Variants in DSCAM observed in about 807,000 individuals in gnomAD.
DSCAM encodes the protein cell adhesion molecule DSCAM.
DSCAM carries 47 observed loss-of-function variants against 217.7 expected under a neutral mutation model. That is an observed-to-expected ratio of 0.22 (90% CI 0.17 to 0.28). DSCAM has a LOEUF of 0.28. DSCAM is among the 10% of genes least tolerant of loss of function. The probability of loss-of-function intolerance (pLI) is 1.00; values close to 1 mark genes in which losing one functional copy is unlikely to be tolerated. For missense variants in DSCAM, 2,080 were observed against 2,618.3 expected (o/e 0.79, Z 4.49); for synonymous variants, 1,056 against 1,015.3 (o/e 1.04, Z -0.76).
intron 3 of DSCAM, among the ~76,000 whole-genome samples, chr21:40,378,882 C>T (rs1365868752): frequency 1.3e-5 from 2 of 151,970 alleles, no homozygotes; most frequent in Non-Finnish European, 2.9e-5. Flanking sequence ...CGTGAGCCAC[C>T]GCGCCCGGCC....
At chr21:40,363,519 C>T (rs1250757270) in intron 4 of DSCAM, among the ~76,000 whole-genome samples, 10 of 152,068 alleles carry the variant, frequency 6.6e-5, no homozygotes, top group Admixed American at 6.6e-4. Context: ...TCCCAAAGTG[C>T]TGAGATTACA....
chr21:40,840,945 A>G (rs1307315636), intron 1 of DSCAM, among the ~76,000 whole-genome samples: 1 of 152,144 alleles, frequency 6.6e-6, no homozygotes, highest in Non-Finnish European at 1.5e-5. Context: ...ATCTATTTCC[A>G]CTACTCCATA....
chr21:40,645,621 C>A (rs1476715769), intron 3 of DSCAM, among the ~76,000 whole-genome samples: 2 of 152,016 alleles, frequency 1.3e-5, no homozygotes, highest in African/African-American at 2.4e-5. Flanking sequence ...CAGGCATACA[C>A]GGTGCCCCTC....
chr21:40,093,006 A>C (rs933423615), intron 21 of DSCAM, among the ~76,000 whole-genome samples: 10 of 152,182 alleles, frequency 6.6e-5, no homozygotes, highest in Admixed American at 1.3e-4. Flanking sequence ...CAGAGAACAT[A>C]TTAGTAATAA....
intron 3 of DSCAM, among the ~76,000 whole-genome samples, chr21:40,660,302 G>A (rs1006665459): frequency 6.6e-6 from 1 of 152,136 alleles, no homozygotes; most frequent in Non-Finnish European, 1.5e-5. Context: ...AGGAAAGCAG[G>A]AAAGAAGAAA....
Position 40,254,373 on chromosome 21 carries a change from C to T in DSCAM, c.2356+21724G>A, listed in dbSNP as rs114298801. Among the ~76,000 whole-genome samples the T allele has an allele frequency of 5.0e-3, 767 of 152,220 alleles. 5 individuals are homozygous for T. The highest frequency in any genetic ancestry group is 0.017 in the African/African-American group (704 of 41,524). On this transcript the variant is annotated intron_variant, in intron 11 of 32. Coordinates refer to ENST00000400454, the MANE Select transcript of DSCAM (RefSeq NM_001389.5). ...AGGAAATAAGTAAAAGCTCAGAACC[C>T]GGTGGAAGGTGGTGATGGGAGCAAA...
chr21:40,357,622 T>TCTC (rs2074709028), intron 4 of DSCAM, among the ~76,000 whole-genome samples: 1 of 152,124 alleles, frequency 6.6e-6, no homozygotes, highest in African/African-American at 2.4e-5. Flanking sequence ...GGGGTAAGCT[T>TCTC]CTCTATTATT....
intron 3 of DSCAM, among the ~76,000 whole-genome samples, chr21:40,443,490 G>C (rs1450247397): frequency 6.6e-6 from 1 of 152,132 alleles, no homozygotes. Context: ...CTGTGTTCCC[G>C]TCTGTGTTCC....
intron 11 of DSCAM, among the ~76,000 whole-genome samples, chr21:40,214,735 C>CAAAAAAAAAAAAAAAAA (rs1209648217): frequency 2.2e-4 from 15 of 67,786 alleles, no homozygotes; most frequent in Middle Eastern, 7.7e-3. Context: ...GCAACAACAG[C>CAAAAAAAAAAAAAAAAA]AAAAAAAAAA....
chr21:40,605,449 G>C (rs1053369230), intron 3 of DSCAM, among the ~76,000 whole-genome samples: 7 of 152,126 alleles, frequency 4.6e-5, no homozygotes, highest in Admixed American at 2.0e-4. Context: ...GAAAATCAAA[G>C]TCAGCAAACT....
chr21:40,772,947 T>C (rs998502128), intron 1 of DSCAM, among the ~76,000 whole-genome samples: 4 of 152,216 alleles, frequency 2.6e-5, no homozygotes, highest in African/African-American at 7.2e-5. Context: ...GAGGCATTGC[T>C]CACTCCCAGC....
At position 40,652,343 on chromosome 21, in the gene DSCAM, AC is replaced by A. The variant is rs2090024185; in HGVS notation, c.508+40466del. On this transcript the variant is annotated intron_variant, in intron 3 of 32. Transcript: ENST00000400454. ...GGTTGGAAATTTGAAAACAACAACA[AC>A]AACAAAAAAAAAAAAAAACAACTTC... Among the ~76,000 whole-genome samples the A allele has an allele frequency of 9.2e-4, 31 of 33,750 alleles. 1 individual carries two copies. Among genetic ancestry groups the A allele is most frequent in the African/African-American group, 3.4e-3 (19 of 5,566 alleles). The allele number at this position is 33,750 out of a possible 152,430, so 22.1% of individuals were successfully genotyped here. A position where few individuals can be genotyped will look rare whatever the true frequency, so the allele number is the denominator to read the frequency against.
In DSCAM at chr21:40,697,335, T is replaced by C. The variant is rs2090606844; in HGVS notation, c.362-4379A>G. ...TCTTTGCTGTGCAGAGTTTTTCTGC[T>C]TGATGTAATCCTATTTGTCTATTTT... On this transcript the variant is annotated intron_variant, in intron 2 of 32. Coordinates refer to ENST00000400454, the MANE Select transcript of DSCAM (RefSeq NM_001389.5). 2.6e-5 allele frequency among the ~76,000 whole-genome samples: 4 copies of C among 152,238 alleles called. No individual in the cohort carries two copies. In the South Asian group the frequency reaches 8.3e-4, roughly 32 times the overall value.
chr21:40,028,282 A>G lies in DSCAM; in HGVS notation c.5686+14089T>C, dbSNP rs1432290737. ...CTCTTCAAAGCTGTCAGACAGGGAC[A>G]TTTGAGTCTGCAGAGGTTACTGCTG... On this transcript the variant is annotated intron_variant, in intron 32 of 32. Transcript: ENST00000400454. Among the ~76,000 whole-genome samples the G allele has an allele frequency of 1.8e-5, 2 of 110,428 alleles. 1 individual carries two copies. The highest frequency in any genetic ancestry group is 7.1e-5 in the African/African-American group (2 of 28,340). The allele number at this position is 110,428 out of a possible 152,430, so 72.4% of individuals were successfully genotyped here. A position where few individuals can be genotyped will look rare whatever the true frequency, so the allele number is the denominator to read the frequency against.
intron 1 of DSCAM, among the ~76,000 whole-genome samples, chr21:40,839,829 G>GT (rs1170491379): frequency 6.6e-6 from 1 of 151,866 alleles, no homozygotes; most frequent in Non-Finnish European, 1.5e-5. Flanking sequence ...TGTCTTCTCA[G>GT]TAAAAAAAAT....
chr21:40,843,249 C>A (rs1335773302), intron 1 of DSCAM, among the ~76,000 whole-genome samples: 1 of 151,942 alleles, frequency 6.6e-6, no homozygotes, highest in Non-Finnish European at 1.5e-5. Context: ...TAATGAGCAC[C>A]TTCTTACTCC....
intron 11 of DSCAM, among the ~76,000 whole-genome samples, chr21:40,244,949 T>A (rs983563235): frequency 3.3e-5 from 5 of 152,068 alleles, no homozygotes; most frequent in Non-Finnish European, 7.4e-5. Context: ...AGGGCTTGAC[T>A]TCCTAGAGAG....
intron 1 of DSCAM, among the ~76,000 whole-genome samples, chr21:40,750,861 C>T (rs1009534305): frequency 1.3e-5 from 2 of 152,156 alleles, no homozygotes; most frequent in African/African-American, 2.4e-5. Flanking sequence ...GCACCCAGCA[C>T]GCTGCTCCTT....
intron 3 of DSCAM, among the ~76,000 whole-genome samples, chr21:40,593,320 C>CTT (rs66528850): frequency 0.058 from 8,458 of 145,754 alleles, 600 homozygotes; most frequent in African/African-American, 0.17. Flanking sequence ...TGATGTTTCT[C>CTT]TTTTTTTTTT....
Sources: allele counts gnomAD v4.1 joint callset (sites outside exome capture counted in the v4.1 genomes callset), GRCh38; gene constraint gnomAD v4.1.1; transcripts MANE v1.5; gene names NCBI Gene and HGNC (gene_info 2026-07-23, HGNC 2026-07-21).